Variants in CYTH1 observed in about 807,000 individuals in gnomAD.
The protein encoded by CYTH1 is cytohesin-1.
A neutral mutation model predicts 61.8 loss-of-function variants in CYTH1; 18 were observed. That is an observed-to-expected ratio of 0.29 (90% CI 0.20 to 0.43). CYTH1 has a LOEUF of 0.43. Ranked by LOEUF, CYTH1 falls within the 20% of genes least tolerant of loss-of-function variation. CYTH1 has a pLI of 1.00. For synonymous variants in CYTH1, 174 were observed against 184.3 expected (o/e 0.94, Z 0.45); for missense variants, 336 against 510.5 (o/e 0.66, Z 3.29).
chr17:78,718,358 A>G (rs1212441344), intron 1 of CYTH1, among the ~76,000 whole-genome samples: 1 of 152,162 alleles, frequency 6.6e-6, no homozygotes, highest in Non-Finnish European at 1.5e-5. Flanking sequence ...CTCTACAGAA[A>G]CTACCACCTG....
chr17:78,704,162 C>A (rs1459037812), intron 3 of CYTH1, among the ~76,000 whole-genome samples: 1 of 152,150 alleles, frequency 6.6e-6, no homozygotes, highest in African/African-American at 2.4e-5. Context: ...GGGGCCTCAA[C>A]AAAACAGATT....
Position 78,700,204 on chromosome 17 carries a change from T to C in CYTH1, c.550+127A>G, listed in dbSNP as rs2092993255. On this transcript the variant is annotated intron_variant, in intron 7 of 13. Coordinates refer to ENST00000446868, the MANE Select transcript of CYTH1 (RefSeq NM_004762.6). The surrounding 1 kb of genome is among the most constrained non-coding windows in gnomAD (Gnocchi z 5.1). The stretch of plus-strand genomic sequence containing the variant: ...GGTTATTTCCAACATTTTACTATTA[T>C]AACTATCATTGAGTAAACGTTCCTA... 3 of 783,052 alleles carry C rather than the reference T, an allele frequency of 3.8e-6. No individual in the cohort carries two copies. Among genetic ancestry groups the C allele is most frequent in the Non-Finnish European group, 5.9e-6 (3 of 507,890 alleles). 48.5% of individuals were successfully genotyped at this position (783,052 alleles called of 1,614,324 possible).
rs764907799 is a variant in CYTH1, at chr17:78,701,780, G to C, written c.357-29C>G. 3.1e-6 allele frequency: 5 copies of C among 1,607,502 alleles called. No homozygotes were observed. In the South Asian group the frequency reaches 4.4e-5, roughly 14 times the overall value. On this transcript the variant is annotated intron_variant, in intron 5 of 13. Coordinates refer to ENST00000446868, the MANE Select transcript of CYTH1 (RefSeq NM_004762.6). ...TCGAGAAAAGACAAAAAATGGGAGA[G>C]AAAGCAGGAGTCAGGCACCAACACT...
At chr17:78,683,953 T>G (rs1489053959) in intron 11 of CYTH1, among the ~76,000 whole-genome samples, 1 of 152,214 alleles carries the variant, frequency 6.6e-6, no homozygotes, top group Non-Finnish European at 1.5e-5. Flanking sequence ...TGGACCTCAA[T>G]AAGTATGTGA....
At chr17:78,759,897 G>T (rs185239334) in intron 1 of CYTH1, among the ~76,000 whole-genome samples, 45 of 152,292 alleles carry the variant, frequency 3.0e-4, no homozygotes, top group Middle Eastern at 3.4e-3. Flanking sequence ...TCTGAAGCGT[G>T]AGTTTCCACA....
chr17:78,727,587 G>A (rs2093273252), intron 1 of CYTH1: 1 of 441,228 alleles, frequency 2.3e-6, no homozygotes, highest in African/African-American at 2.0e-5. Flanking sequence ...GGTGTAAGAA[G>A]GAGCTGACTA....
chr17:78,716,631 A>G (rs569799405), intron 1 of CYTH1, among the ~76,000 whole-genome samples: 1 of 152,340 alleles, frequency 6.6e-6, no homozygotes, highest in Admixed American at 6.5e-5. Flanking sequence ...TCATTTTTCT[A>G]GTGGAATTTT....
intron 1 of CYTH1, among the ~76,000 whole-genome samples, chr17:78,758,116 C>A (rs993432993): frequency 3.9e-5 from 6 of 152,256 alleles, no homozygotes; most frequent in African/African-American, 1.2e-4. Context: ...CTAAGAAAAT[C>A]ACTGGAAATG....
At chr17:78,755,764 A>G (rs1427857226) in intron 1 of CYTH1, among the ~76,000 whole-genome samples, 2 of 151,988 alleles carry the variant, frequency 1.3e-5, no homozygotes, top group East Asian at 3.9e-4. Flanking sequence ...ATAAACAATT[A>G]GCTGGGCATG....
intron 1 of CYTH1, among the ~76,000 whole-genome samples, chr17:78,742,676 A>G (rs2093345959): frequency 6.7e-6 from 1 of 149,054 alleles, no homozygotes; most frequent in Non-Finnish European, 1.5e-5. Context: ...GACATGGTGA[A>G]ACCCTGTCTC....
At chr17:78,761,170 C>A (rs2093427207) in intron 1 of CYTH1, among the ~76,000 whole-genome samples, 1 of 152,082 alleles carries the variant, frequency 6.6e-6, no homozygotes. Flanking sequence ...AGCAATGCTA[C>A]AATAAACACC....
chr17:78,776,658 CA>C (rs1179473215), intron 1 of CYTH1, among the ~76,000 whole-genome samples: 38,340 of 88,454 alleles, frequency 0.43, 5,250 homozygotes, highest in Non-Finnish European at 0.5. Context: ...GACTCTGTCT[CA>C]AAAAAAAAAA....
rs572308921 is a variant in CYTH1 at position 78,718,174 on chromosome 17, C to T, written c.23-8442G>A. Among the ~76,000 whole-genome samples the T allele has an allele frequency of 1.8e-4, 27 of 151,430 alleles. No individual in the cohort carries two copies. In the South Asian group the frequency reaches 4.2e-3, roughly 23 times the overall value. On this transcript the variant is annotated intron_variant, in intron 1 of 13. Transcript: ENST00000446868. The stretch of plus-strand genomic sequence containing the variant: ...CCAACGGGTGCCCTCCTGCTAATCA[C>T]GGCCACACCCCTTTACAGACCTGGA...
chr17:78,678,719 C>G (rs181003266), intron 13 of CYTH1, among the ~76,000 whole-genome samples: 1 of 152,182 alleles, frequency 6.6e-6, no homozygotes, highest in African/African-American at 2.4e-5. Context: ...GGCTGGCCCC[C>G]GCTCAGGGCC....
intron 1 of CYTH1, among the ~76,000 whole-genome samples, chr17:78,754,016 C>A (rs1216373354): frequency 6.6e-6 from 1 of 152,130 alleles, no homozygotes; most frequent in Non-Finnish European, 1.5e-5. Flanking sequence ...TGGCTGATGG[C>A]ATGCTAGGAT....
intron 1 of CYTH1, among the ~76,000 whole-genome samples, chr17:78,751,129 G>A (rs1024402196): frequency 6.6e-6 from 1 of 151,950 alleles, no homozygotes; most frequent in Non-Finnish European, 1.5e-5. Flanking sequence ...AACCATGGGC[G>A]CATGGCGGGG....
At chr17:78,744,154 T>TTAAACCTTCTTCAGAAATTAAAC (rs2093351506) in intron 1 of CYTH1, among the ~76,000 whole-genome samples, 1 of 152,214 alleles carries the variant, frequency 6.6e-6, no homozygotes, top group Admixed American at 6.5e-5. Context: ...GCTCTCTGTA[T>TTAAACCTTCTTCAGAAATTAAAC]CTTCACAGCC....
At chr17:78,736,806 G>A (rs2093322432) in intron 1 of CYTH1, 1 of 305,930 alleles carries the variant, frequency 3.3e-6, no homozygotes, top group Non-Finnish European at 7.2e-6. Flanking sequence ...TTCCTGTGGG[G>A]TCTGACTGGG....
intron 11 of CYTH1, among the ~76,000 whole-genome samples, chr17:78,686,587 G>A (rs1161602779): frequency 1.3e-5 from 2 of 152,072 alleles, no homozygotes; most frequent in Non-Finnish European, 2.9e-5. Flanking sequence ...GATACTCCCC[G>A]AGTTCTGGTC....
Sources: gnomAD v4.1 joint callset for allele counts (sites outside exome capture counted in the v4.1 genomes callset) on GRCh38, gnomAD v4.1.1 for gene constraint, Gnocchi (gnomAD v3.1) non-coding constraint, MANE v1.5 for transcripts, NCBI Gene and HGNC (gene_info 2026-07-23, HGNC 2026-07-21) for gene names.